Variants in SNTG2 observed in about 807,000 individuals in gnomAD.
SNTG2 encodes syntrophin gamma 2.
A neutral mutation model predicts 70.9 loss-of-function variants in SNTG2; 74 were observed. The ratio of observed to expected loss-of-function variants is 1.04; its 90% CI spans 0.86 to 1.27. SNTG2 has a LOEUF of 1.27. SNTG2 is among the 50% of genes most tolerant of loss of function. SNTG2 has a pLI of 0.00. For synonymous variants in SNTG2, 278 were observed against 273.8 expected (o/e 1.02, Z -0.15); for missense variants, 717 against 690.7 (o/e 1.04, Z -0.43).
At chr2:1,257,089 TCTGGTA>T (rs1678163391) in intron 12 of SNTG2, among the ~76,000 whole-genome samples, 1 of 152,040 alleles carries the variant, frequency 6.6e-6, no homozygotes, top group East Asian at 1.9e-4. Context: ...ACTTGCATCC[TCTGGTA>T]CATTGTCACA....
intron 4 of SNTG2, among the ~76,000 whole-genome samples, chr2:1,105,931 AC>A (rs1459492569): frequency 6.6e-6 from 1 of 152,102 alleles, no homozygotes; most frequent in East Asian, 1.9e-4. Flanking sequence ...GTGGCCCCTG[AC>A]CCCGAGGCCT....
intron 1 of SNTG2, among the ~76,000 whole-genome samples, chr2:1,081,872 G>T (rs1664320744): frequency 6.6e-6 from 1 of 152,216 alleles, no homozygotes; most frequent in South Asian, 2.1e-4. Context: ...GGTGTGGATT[G>T]CAGTGGCCGG....
intron 6 of SNTG2, among the ~76,000 whole-genome samples, chr2:1,142,666 A>G (rs556518590): frequency 7.2e-5 from 11 of 152,338 alleles, no homozygotes; most frequent in Non-Finnish European, 1.2e-4. Context: ...ATGTTAGTCA[A>G]CTAACCAAGG....
chr2:1,194,780 A>C (rs1228223635), intron 8 of SNTG2, among the ~76,000 whole-genome samples: 2 of 152,118 alleles, frequency 1.3e-5, no homozygotes, highest in Non-Finnish European at 2.9e-5. Flanking sequence ...CAGAACGTGC[A>C]GTTTTGTTAC....
intron 2 of SNTG2, among the ~76,000 whole-genome samples, chr2:1,092,287 C>G (rs2148194894): frequency 6.6e-6 from 1 of 152,144 alleles, no homozygotes; most frequent in East Asian, 1.9e-4. Context: ...AGGTCCCTCG[C>G]CTTTCCCACA....
intron 4 of SNTG2, among the ~76,000 whole-genome samples, chr2:1,124,448 C>T (rs1451156746): frequency 6.6e-6 from 1 of 152,034 alleles, no homozygotes; most frequent in East Asian, 1.9e-4. Flanking sequence ...GTGCTCGCCA[C>T]CACGCCCGGC....
chr2:1,283,747 C>T (rs1679653969), intron 14 of SNTG2, among the ~76,000 whole-genome samples: 1 of 152,168 alleles, frequency 6.6e-6, no homozygotes, highest in Non-Finnish European at 1.5e-5. Flanking sequence ...GTAGGTATGC[C>T]CGGTCATTCG....
chr2:1,193,451 CTA>C (rs1672723181), intron 8 of SNTG2, among the ~76,000 whole-genome samples: 1 of 152,186 alleles, frequency 6.6e-6, no homozygotes, highest in Admixed American at 6.5e-5. Context: ...GTTCCCTTGT[CTA>C]TTTATTTTTC....
At chr2:1,208,627 G>A (rs766837070) in intron 8 of SNTG2, among the ~76,000 whole-genome samples, 10 of 152,152 alleles carry the variant, frequency 6.6e-5, no homozygotes, top group Admixed American at 1.3e-4. Flanking sequence ...TTCCATCTGG[G>A]CCCGGCTCTG....
chr2:1,297,630 C>G (rs1192443299), intron 14 of SNTG2, among the ~76,000 whole-genome samples: 2 of 152,174 alleles, frequency 1.3e-5, no homozygotes, highest in East Asian at 3.9e-4. Context: ...AGTGGCCCAG[C>G]CTGGCGCATC....
rs1262183439 is a variant in SNTG2 at position 1,126,052 on chromosome 2, A to G, written c.326-11570A>G. Among the ~76,000 whole-genome samples the G allele has an allele frequency of 2.6e-5, 4 of 152,202 alleles. 1 individual carries two copies. Among genetic ancestry groups the G allele is most frequent in the African/African-American group, 2.4e-5 (1 of 41,440 alleles). Reference sequence around the variant, plus strand: ...GAAAATAAACAATATATTATTGCTAACTATCATTATTCTACAGTGCTATAG... The same window carrying G: ...GAAAATAAACAATATATTATTGCTAGCTATCATTATTCTACAGTGCTATAG... On this transcript the variant is annotated intron_variant, in intron 4 of 16. Coordinates refer to ENST00000308624, the MANE Select transcript of SNTG2 (RefSeq NM_018968.4).
intron 1 of SNTG2, among the ~76,000 whole-genome samples, chr2:1,065,072 G>A (rs1190887957): frequency 6.6e-6 from 1 of 152,180 alleles, no homozygotes; most frequent in African/African-American, 2.4e-5. Context: ...TTTTCACTCT[G>A]TCCGTTGGTT....
intron 4 of SNTG2, among the ~76,000 whole-genome samples, chr2:1,100,553 C>T (rs1174699343): frequency 4.6e-5 from 7 of 152,162 alleles, no homozygotes; most frequent in Non-Finnish European, 1.5e-5. Flanking sequence ...TGTTGACGAG[C>T]TTGGCAGGGC....
intron 16 of SNTG2, among the ~76,000 whole-genome samples, chr2:1,346,875 A>G (rs1263693253): frequency 6.6e-6 from 1 of 152,166 alleles, no homozygotes; most frequent in Non-Finnish European, 1.5e-5. Context: ...GTTGGTTGAA[A>G]GAGCTAAGCT....
intron 12 of SNTG2, among the ~76,000 whole-genome samples, chr2:1,250,108 G>A (rs894040882): frequency 2.0e-5 from 3 of 152,156 alleles, no homozygotes; most frequent in South Asian, 2.1e-4. Flanking sequence ...CCTCATTCAC[G>A]TAGAGGAAGT....
intron 1 of SNTG2, among the ~76,000 whole-genome samples, chr2:1,078,033 C>T (rs1350773878): frequency 6.6e-6 from 1 of 152,152 alleles, no homozygotes; most frequent in Non-Finnish European, 1.5e-5. Context: ...CTGCAGCTGT[C>T]TTATTTCATT....
intron 1 of SNTG2, among the ~76,000 whole-genome samples, chr2:995,878 A>G (rs1045540011): frequency 5.9e-5 from 9 of 152,206 alleles, no homozygotes; most frequent in Non-Finnish European, 1.0e-4. Flanking sequence ...AAGAAACACA[A>G]TCAGGAGGAG....
At chr2:1,226,659 C>T (rs533977712) in intron 9 of SNTG2, among the ~76,000 whole-genome samples, 39 of 151,910 alleles carry the variant, frequency 2.6e-4, no homozygotes, top group African/African-American at 8.7e-4. Flanking sequence ...AAGGTGGAGA[C>T]CAAGCCAGGC....
At chr2:1,139,225 T>C (rs758068401) in intron 6 of SNTG2, among the ~76,000 whole-genome samples, 3 of 151,904 alleles carry the variant, frequency 2.0e-5, no homozygotes, top group Non-Finnish European at 4.4e-5. Context: ...TGTTTGTTTG[T>C]TTGTTTTGTT....
Sources: gnomAD v4.1 joint callset for allele counts (sites outside exome capture counted in the v4.1 genomes callset) on GRCh38, gnomAD v4.1.1 for gene constraint, MANE v1.5 for transcripts, NCBI Gene and HGNC (gene_info 2026-07-23, HGNC 2026-07-21) for gene names.